MAGI2: variants seen among roughly 807,000 people sequenced by gnomAD.
MAGI2 encodes the protein membrane associated guanylate kinase, WW and PDZ domain containing 2.
In MAGI2, 35 loss-of-function variants were observed where a neutral mutation model predicts 133.3. The observed-to-expected ratio is 0.26, with a 90% CI of 0.20 to 0.35. The LOEUF (loss-of-function observed/expected upper bound fraction) is 0.35, where lower values mean the gene tolerates loss of function less well. Ranked by LOEUF, MAGI2 falls within the 10% of genes least tolerant of loss-of-function variation. The pLI is 1.00. For missense variants in MAGI2, 1,636 were observed against 1,863.4 expected (o/e 0.88, Z 2.25); for synonymous variants, 729 against 710.6 (o/e 1.03, Z -0.41).
At chr7:78,793,776 C>CA (rs761143426) in intron 2 of MAGI2, among the ~76,000 whole-genome samples, 13 of 152,114 alleles carry the variant, frequency 8.5e-5, no homozygotes, top group Non-Finnish European at 1.9e-4. Context: ...AGTATTTGGT[C>CA]AGTTCAAAGA....
intron 2 of MAGI2, among the ~76,000 whole-genome samples, chr7:78,802,847 A>G (rs1415819563): frequency 6.6e-6 from 1 of 151,964 alleles, no homozygotes; most frequent in Non-Finnish European, 1.5e-5. Context: ...ATGTGGAGAT[A>G]GGAGGCATAT....
At chr7:79,234,527 G>A (rs558294665) in intron 1 of MAGI2, among the ~76,000 whole-genome samples, 13 of 151,578 alleles carry the variant, frequency 8.6e-5, no homozygotes, top group East Asian at 1.9e-4. Context: ...TTCCCTTCTC[G>A]CTTCATTTCA....
intron 2 of MAGI2, among the ~76,000 whole-genome samples, chr7:78,859,531 T>C (rs981352183): frequency 3.9e-5 from 6 of 152,232 alleles, no homozygotes; most frequent in African/African-American, 1.4e-4. Context: ...AATTCTGGGT[T>C]GAAAATTCTT....
intron 21 of MAGI2, among the ~76,000 whole-genome samples, chr7:78,070,688 C>G (rs913997249): frequency 1.3e-5 from 2 of 148,874 alleles, no homozygotes; most frequent in Non-Finnish European, 3.0e-5. Flanking sequence ...GTCACCCAGG[C>G]TGGAGTGCAA....
intron 6 of MAGI2, among the ~76,000 whole-genome samples, chr7:78,391,654 TTAAG>T (rs1795907329): frequency 6.6e-6 from 1 of 152,248 alleles, no homozygotes; most frequent in African/African-American, 2.4e-5. Flanking sequence ...TATCAGATTC[TTAAG>T]TGAGTTCAAA....
At chr7:78,921,306 T>G (rs1003418227) in intron 2 of MAGI2, among the ~76,000 whole-genome samples, 5 of 152,166 alleles carry the variant, frequency 3.3e-5, no homozygotes, top group Admixed American at 6.6e-5. Context: ...CCTAAAGATA[T>G]GAGTAAAAAA....
At chr7:79,223,007 C>T (rs1282641671) in intron 1 of MAGI2, among the ~76,000 whole-genome samples, 1 of 152,020 alleles carries the variant, frequency 6.6e-6, no homozygotes, top group East Asian at 1.9e-4. Context: ...GCCTCTGCCT[C>T]CCGAGTAGCT....
At chr7:78,338,119 GAT>G (rs1296222350) in intron 9 of MAGI2, among the ~76,000 whole-genome samples, 2 of 152,078 alleles carry the variant, frequency 1.3e-5, no homozygotes, top group Admixed American at 1.3e-4. Context: ...TTTATTTGAG[GAT>G]ATATGACTCT....
intron 2 of MAGI2, among the ~76,000 whole-genome samples, chr7:78,774,026 T>C (rs1453061102): frequency 1.3e-5 from 2 of 152,192 alleles, no homozygotes; most frequent in African/African-American, 2.4e-5. Flanking sequence ...AGAATATCTA[T>C]TTTTAAGCAG....
intron 21 of MAGI2, among the ~76,000 whole-genome samples, chr7:78,053,371 C>T (rs1292884017): frequency 6.6e-6 from 1 of 152,150 alleles, no homozygotes; most frequent in Non-Finnish European, 1.5e-5. Flanking sequence ...CTGTGTTGTC[C>T]CCTGTCTGAG....
intron 3 of MAGI2, among the ~76,000 whole-genome samples, chr7:78,593,175 G>C (rs1804224250): frequency 6.6e-6 from 1 of 150,962 alleles, no homozygotes; most frequent in Non-Finnish European, 1.5e-5. Context: ...GGCGGATCAC[G>C]AGGTCAGGAG....
intron 9 of MAGI2, among the ~76,000 whole-genome samples, chr7:78,282,186 T>TC (rs1328659586): frequency 2.7e-5 from 4 of 149,188 alleles, no homozygotes; most frequent in Non-Finnish European, 5.9e-5. Flanking sequence ...TGGAATATAA[T>TC]CAATGTCCTG....
chr7:79,092,416 A>C (rs1817147012), intron 1 of MAGI2, among the ~76,000 whole-genome samples: 1 of 152,086 alleles, frequency 6.6e-6, no homozygotes, highest in African/African-American at 2.4e-5. Context: ...AAAAACCTTG[A>C]GTTCCAATGG....
At chr7:79,407,522 T>C (rs1022940101) in intron 1 of MAGI2, among the ~76,000 whole-genome samples, 25 of 152,130 alleles carry the variant, frequency 1.6e-4, no homozygotes, top group Admixed American at 9.2e-4. Flanking sequence ...TTCTAACTGG[T>C]GCACTGTTGT....
At chr7:78,549,806 C>G (rs12705578) in intron 3 of MAGI2, among the ~76,000 whole-genome samples, 11,639 of 152,140 alleles carry the variant, frequency 0.077, 575 homozygotes, top group African/African-American at 0.12. Context: ...ACATTAAATC[C>G]TTTAATAAGG....
At chr7:79,243,226 C>T (rs1056843660) in intron 1 of MAGI2, among the ~76,000 whole-genome samples, 2 of 142,924 alleles carry the variant, frequency 1.4e-5, no homozygotes, top group Admixed American at 1.4e-4. Flanking sequence ...TACACAGATA[C>T]ACATTACCAA....
chr7:78,158,311 T>A (rs1824596151), intron 16 of MAGI2: 1 of 152,118 alleles, frequency 6.6e-6, no homozygotes, highest in African/African-American at 2.4e-5. Flanking sequence ...TCCTCTCTTC[T>A]GTTCTACTGC....
intron 21 of MAGI2, among the ~76,000 whole-genome samples, chr7:78,032,000 G>GC (rs1026643131): frequency 2.4e-5 from 3 of 122,718 alleles, no homozygotes; most frequent in East Asian, 2.6e-4. Flanking sequence ...AGGGGACAAA[G>GC]CCCCCCCACT....
At chr7:79,123,052 A>G (rs1820054678) in intron 1 of MAGI2, among the ~76,000 whole-genome samples, 1 of 152,214 alleles carries the variant, frequency 6.6e-6, no homozygotes, top group African/African-American at 2.4e-5. Context: ...AATGAAGGAA[A>G]CAACCACCAA....
Sources: gnomAD v4.1 joint callset for allele counts (sites outside exome capture counted in the v4.1 genomes callset) on GRCh38, gnomAD v4.1.1 for gene constraint, MANE v1.5 for transcripts, NCBI Gene and HGNC (gene_info 2026-07-23, HGNC 2026-07-21) for gene names.